The following SCD5 variants were observed in gnomAD, a reference collection of about 807,000 sequenced individuals.
SCD5 encodes acyl-CoA-desaturase 4.
SCD5 carries 20 observed loss-of-function variants against 30.4 expected under a neutral mutation model. The ratio of observed to expected loss-of-function variants is 0.66; its 90% CI spans 0.46 to 0.96. SCD5 has a LOEUF of 0.96. Among genes scored for constraint, SCD5 ranks in the 40% least tolerant of loss-of-function variants. The pLI is 0.00. For synonymous variants in SCD5, 173 were observed against 176.4 expected (o/e 0.98, Z 0.16); for missense variants, 381 against 443.3 (o/e 0.86, Z 1.26).
intron 2 of SCD5, among the ~76,000 whole-genome samples, chr4:82,682,065 T>C (rs1172887602): frequency 6.6e-6 from 1 of 152,212 alleles, no homozygotes; most frequent in Non-Finnish European, 1.5e-5. Flanking sequence ...CTTTGGCTCC[T>C]TGGGAACCTG....
intron 1 of SCD5, among the ~76,000 whole-genome samples, chr4:82,761,724 TC>T (rs1721374403): frequency 1.3e-5 from 2 of 151,376 alleles, no homozygotes; most frequent in South Asian, 4.2e-4. Context: ...ATGCTATCCC[TC>T]CCCCCTCTCC....
chr4:82,640,012 C>T (rs911884792), intron 3 of SCD5, among the ~76,000 whole-genome samples: 2 of 152,158 alleles, frequency 1.3e-5, no homozygotes, highest in African/African-American at 2.4e-5. Flanking sequence ...TAGACACCCT[C>T]GAGTCATGAA....
rs1168733778 is a variant in SCD5 at position 82,635,819 on chromosome 4, A to G, written c.802+772T>C. 2.0e-5 allele frequency among the ~76,000 whole-genome samples: 3 copies of G among 152,242 alleles called. No homozygotes were observed. The South Asian group carries it at 6.2e-4, about 32-fold the overall frequency. The stretch of plus-strand genomic sequence containing the variant: ...AGAGTAAGTGGAGGAACCAGGACTC[A>G]ACCAAAGTCGCTGACTCCAGAGGCC... On this transcript the variant is annotated intron_variant, in intron 4 of 4. Transcript: ENST00000319540.
At chr4:82,631,588 T>G (rs1280455329) in intron 4 of SCD5, 71 bp from the exon 5 acceptor site, 19 of 1,500,712 alleles carry the variant, frequency 1.3e-5, no homozygotes, top group Admixed American at 7.1e-5. Flanking sequence ...AATCACCTAT[T>G]TTTTCAGGGT....
chr4:82,705,195 G>A, intron 2 of SCD5, 88 bp downstream of exon 2: 7 of 1,520,498 alleles, frequency 4.6e-6, no homozygotes, highest in Non-Finnish European at 6.3e-6. Flanking sequence ...TAGGACAGGG[G>A]TGGAGGGGTG....
intron 1 of SCD5, among the ~76,000 whole-genome samples, chr4:82,789,380 G>C (rs74683862): frequency 0.016 from 2,506 of 152,282 alleles, 25 homozygotes; most frequent in Non-Finnish European, 0.022. Context: ...TCCCACTCAA[G>C]TCCAGCTTCT....
At chr4:82,712,904 C>T (rs954634646) in intron 1 of SCD5, among the ~76,000 whole-genome samples, 11 of 152,204 alleles carry the variant, frequency 7.2e-5, no homozygotes, top group Non-Finnish European at 1.3e-4. Context: ...GTGATTTCCA[C>T]GTAGGTACTA....
At chr4:82,683,412 C>T (rs761921000) in intron 2 of SCD5, among the ~76,000 whole-genome samples, 4 of 152,170 alleles carry the variant, frequency 2.6e-5, no homozygotes, top group Non-Finnish European at 5.9e-5. Flanking sequence ...CTCTGTCCCC[C>T]ATTCACAGAT....
intron 2 of SCD5, among the ~76,000 whole-genome samples, chr4:82,694,229 A>G (rs1411996517): frequency 6.6e-6 from 1 of 152,122 alleles, no homozygotes; most frequent in East Asian, 1.9e-4. Context: ...TCAGTTTAAC[A>G]CAAGCCCACA....
At chr4:82,722,870 C>T (rs1037696217) in intron 1 of SCD5, among the ~76,000 whole-genome samples, 2 of 151,888 alleles carry the variant, frequency 1.3e-5, no homozygotes, top group Non-Finnish European at 2.9e-5. Context: ...AAGTTCAAGA[C>T]CAGCTTCGCC....
Position 82,798,609 on chromosome 4 carries a change from G to T in SCD5, c.-72C>A. The T allele has an allele frequency of 7.4e-7, 1 of 1,351,616 alleles. No homozygotes were observed. Among genetic ancestry groups the T allele is most frequent in the Non-Finnish European group, 9.9e-7 (1 of 1,010,680 alleles). The allele number at this position is 1,351,616 out of a possible 1,614,324, so 83.7% of individuals were successfully genotyped here. ...TCTGCCCGAGCGGAGCTCGAGGGTGGGGGCGGGGGCTTCTGCCTTTTAGGG... is the reference window on the plus strand; with the variant it reads ...TCTGCCCGAGCGGAGCTCGAGGGTGTGGGCGGGGGCTTCTGCCTTTTAGGG... On this transcript the variant is annotated 5_prime_UTR_variant, in exon 1 of 5. Transcript: ENST00000319540.
In SCD5 at chr4:82,631,241, C is replaced by A; in HGVS notation, c.*86G>T. On this transcript the variant is annotated 3_prime_UTR_variant, in exon 5 of 5. Transcript: ENST00000319540. ...TCCTTCCCCACCCTCTGCCCCCTCC[C>A]ACGATCCAATGTACAAGAGAGCTAT... 8.2e-7 allele frequency: 1 copy of A among 1,212,822 alleles called. No individual in the cohort carries two copies. The highest frequency in any genetic ancestry group is 1.1e-6 in the Non-Finnish European group (1 of 881,866). 75.1% of individuals were successfully genotyped at this position (1,212,822 alleles called of 1,614,324 possible). A position where few individuals can be genotyped will look rare whatever the true frequency, so the allele number is the denominator to read the frequency against.
chr4:82,660,312 C>G (rs1727966173), intron 3 of SCD5: 1 of 291,456 alleles, frequency 3.4e-6, no homozygotes, highest in Admixed American at 6.1e-5. Flanking sequence ...CAGCTCTGGA[C>G]CAAGCGGACC....
intron 1 of SCD5, among the ~76,000 whole-genome samples, chr4:82,713,634 GTGTC>G (rs890549646): frequency 1.1e-4 from 16 of 152,322 alleles, no homozygotes; most frequent in African/African-American, 3.6e-4. Context: ...GGCAGGGATT[GTGTC>G]TGTCTGTCTT....
At position 82,718,802 on chromosome 4, in the gene SCD5, T is replaced by C. The variant is rs556195163; in HGVS notation, c.233-13389A>G. ...CCAAATCGCTTTAAGTTGCTGTGAA[T>C]AACCCCAAGACAGACTTTTTTTTTT... is the stretch of plus-strand genomic sequence containing the variant. On this transcript the variant is annotated intron_variant, in intron 1 of 4. Coordinates refer to ENST00000319540, the MANE Select transcript of SCD5 (RefSeq NM_001037582.3). 2.0e-5 allele frequency among the ~76,000 whole-genome samples: 3 copies of C among 151,950 alleles called. No individual in the cohort carries two copies. In the South Asian group the frequency reaches 6.2e-4, roughly 32 times the overall value.
At position 82,798,555 on chromosome 4, in the gene SCD5, G is replaced by T; in HGVS notation, c.-18C>A. On this transcript the variant is annotated 5_prime_UTR_variant, in exon 1 of 5. Coordinates refer to ENST00000319540, the MANE Select transcript of SCD5 (RefSeq NM_001037582.3). ...CCTGGCATGGCTGGGCGAGGTGGGCGCCCGCAGCAGCGGCAGGCAGGCAGG... is the reference window on the plus strand; with the variant it reads ...CCTGGCATGGCTGGGCGAGGTGGGCTCCCGCAGCAGCGGCAGGCAGGCAGG... 1.3e-6 allele frequency: 2 copies of T among 1,549,422 alleles called. No individual in the cohort carries two copies.
At chr4:82,668,162 G>A (rs1728231834) in intron 3 of SCD5, among the ~76,000 whole-genome samples, 1 of 152,152 alleles carries the variant, frequency 6.6e-6, no homozygotes, top group African/African-American at 2.4e-5. Context: ...TGACAGATGA[G>A]GCAAAATGTC....
intron 1 of SCD5, among the ~76,000 whole-genome samples, chr4:82,794,118 A>G (rs1722157584): frequency 2.0e-5 from 3 of 152,072 alleles, no homozygotes; most frequent in Admixed American, 6.6e-5. Flanking sequence ...GTTAATCTCC[A>G]CCACTTCTCA....
intron 1 of SCD5, among the ~76,000 whole-genome samples, chr4:82,708,851 G>A (rs1364123415): frequency 6.6e-6 from 1 of 152,142 alleles, no homozygotes; most frequent in East Asian, 1.9e-4. Flanking sequence ...GGAAGCACTT[G>A]GCCGAGCTCT....
Sources: allele counts gnomAD v4.1 joint callset (sites outside exome capture counted in the v4.1 genomes callset), GRCh38; gene constraint gnomAD v4.1.1; transcripts MANE v1.5; gene names NCBI Gene and HGNC (gene_info 2026-07-23, HGNC 2026-07-21).